TXLNB: variants seen among roughly 807,000 people sequenced by gnomAD.
TXLNB encodes beta-taxilin.
TXLNB carries 37 observed loss-of-function variants against 57.4 expected under a neutral mutation model. The ratio of observed to expected loss-of-function variants is 0.64; its 90% confidence interval spans 0.50 to 0.85. The LOEUF is 0.85. Among genes scored for constraint, TXLNB ranks in the 40% least tolerant of loss-of-function variants. The pLI is 0.00. For synonymous variants in TXLNB, 302 were observed against 309.6 expected (o/e 0.98, Z 0.26); for missense variants, 848 against 825.6 (o/e 1.03, Z -0.33).
chr6:139,208,221 A>G, the TXLNB span, among the ~76,000 whole-genome samples: 1 of 152,182 alleles, frequency 6.6e-6, no homozygotes, highest in Non-Finnish European at 1.5e-5. Flanking sequence ...CTGAAAATAT[A>G]CAACCCTTCT....
chr6:139,284,894 G>C (rs752910851), intron 2 of TXLNB, among the ~76,000 whole-genome samples: 1 of 146,020 alleles, frequency 6.8e-6, no homozygotes, highest in Admixed American at 6.7e-5. Flanking sequence ...TACAAGTTGA[G>C]GTTAGCCTAA....
chr6:139,280,050 C>A (rs575822119), intron 2 of TXLNB, among the ~76,000 whole-genome samples: 2 of 152,124 alleles, frequency 1.3e-5, no homozygotes, highest in African/African-American at 4.8e-5. Flanking sequence ...GTCAGGAGAT[C>A]GAGACCATCC....
At chr6:139,186,784 AAAGG>A in the TXLNB span, among the ~76,000 whole-genome samples, 1 of 152,252 alleles carries the variant, frequency 6.6e-6, no homozygotes, top group African/African-American at 2.4e-5. Context: ...CCAGCAATAA[AAAGG>A]AACAGATTCT....
the TXLNB span, among the ~76,000 whole-genome samples, chr6:139,211,831 T>G: frequency 6.6e-6 from 1 of 151,974 alleles, no homozygotes; most frequent in Non-Finnish European, 1.5e-5. Context: ...ACGTGACAAA[T>G]GCACAAGCCT....
chr6:139,226,070 A>G, the TXLNB span, among the ~76,000 whole-genome samples: 1 of 151,952 alleles, frequency 6.6e-6, no homozygotes, highest in Non-Finnish European at 1.5e-5. Context: ...AGGCTGAGGC[A>G]TGTGGATCGC....
rs1234118354 is a variant in TXLNB at position 139,249,680 on chromosome 6, C to T, written c.1078-1771G>A. ...CCCTAGAGCCCAGAAAATTGCTTAT[C>T]TAGAATGGGTTTTCCCCAATAATTT... On this transcript the variant is annotated intron_variant, in intron 7 of 9. Transcript: ENST00000358430. 2.0e-5 allele frequency among the ~76,000 whole-genome samples: 3 copies of T among 152,178 alleles called. No individual in the cohort carries two copies. The East Asian group carries it at 5.8e-4, about 29-fold the overall frequency.
At chr6:139,280,385 T>C (rs1357800531) in intron 2 of TXLNB, among the ~76,000 whole-genome samples, 2 of 152,166 alleles carry the variant, frequency 1.3e-5, no homozygotes, top group African/African-American at 4.8e-5. Context: ...TTGTTTATAC[T>C]AAGTTTGGTG....
chr6:139,223,605 A>C, the TXLNB span, among the ~76,000 whole-genome samples: 1 of 152,056 alleles, frequency 6.6e-6, no homozygotes, highest in Non-Finnish European at 1.5e-5. Context: ...ACAAGAAAAA[A>C]ACAAACAACC....
chr6:139,202,202 G>T, the TXLNB span, among the ~76,000 whole-genome samples: 1 of 152,086 alleles, frequency 6.6e-6, no homozygotes, highest in African/African-American at 2.4e-5. Context: ...CTTTTCTACT[G>T]GACTAACCAA....
chr6:139,211,513 A>G, the TXLNB span, among the ~76,000 whole-genome samples: 1 of 152,158 alleles, frequency 6.6e-6, no homozygotes, highest in Non-Finnish European at 1.5e-5. Context: ...AGGTAGATAA[A>G]ACCACAAAGA....
chr6:139,181,091 T>TTTGA, the TXLNB span, among the ~76,000 whole-genome samples: 1 of 151,142 alleles, frequency 6.6e-6, no homozygotes, highest in Non-Finnish European at 1.5e-5. Flanking sequence ...AATTCTATTA[T>TTTGA]TTGATAGATA....
chr6:139,271,763 C>T (rs1044539055), intron 3 of TXLNB: 1 of 152,184 alleles, frequency 6.6e-6, no homozygotes, highest in African/African-American at 2.4e-5. Context: ...TCAGACTGAC[C>T]ATCGCTGGGG....
At chr6:139,223,533 C>T in the TXLNB span, among the ~76,000 whole-genome samples, 1,377 of 152,128 alleles carry the variant, frequency 9.1e-3, 10 homozygotes, top group Non-Finnish European at 0.014. Flanking sequence ...AGAAAATTTT[C>T]GCAACCTACT....
At chr6:139,197,054 G>T in the TXLNB span, among the ~76,000 whole-genome samples, 3 of 152,040 alleles carry the variant, frequency 2.0e-5, no homozygotes, top group Non-Finnish European at 4.4e-5. Flanking sequence ...CAGCTTTGGG[G>T]GTGGGGGGTT....
chr6:139,288,354 A>T (rs1333083121), intron 2 of TXLNB, 122 bp downstream of exon 2: 1 of 965,180 alleles, frequency 1.0e-6, no homozygotes, highest in Non-Finnish European at 1.5e-6. Flanking sequence ...AACAAGGGAA[A>T]ATATAGAAGG....
the TXLNB span, among the ~76,000 whole-genome samples, chr6:139,230,440 A>G: frequency 6.6e-6 from 1 of 152,194 alleles, no homozygotes; most frequent in African/African-American, 2.4e-5. Flanking sequence ...TTTCAGCTGG[A>G]TAATAGCAGA....
At position 139,283,508 on chromosome 6, in the gene TXLNB, G is replaced by A. The variant is rs952443922; in HGVS notation, c.424+4968C>T. 5.6e-5 allele frequency among the ~76,000 whole-genome samples: 8 copies of A among 142,298 alleles called. 1 individual carries two copies. Among genetic ancestry groups the A allele is most frequent in the African/African-American group, 1.0e-4 (4 of 38,384 alleles). 93.4% of individuals were successfully genotyped at this position (142,298 alleles called of 152,430 possible). ...GGAGAATCGATTGAACCCGGAGGGC[G>A]GAGGTTGTGGTGAGCCGAGATCGCA... On this transcript the variant is annotated intron_variant, in intron 2 of 9. Coordinates refer to ENST00000358430, the MANE Select transcript of TXLNB (RefSeq NM_153235.4).
the TXLNB span, among the ~76,000 whole-genome samples, chr6:139,313,710 T>C: frequency 6.6e-6 from 1 of 152,218 alleles, no homozygotes; most frequent in African/African-American, 2.4e-5. Context: ...TAAGTCACCC[T>C]GTGGCAGGCA....
chr6:139,308,374 C>G, the TXLNB span, among the ~76,000 whole-genome samples: 1 of 152,160 alleles, frequency 6.6e-6, no homozygotes, highest in Non-Finnish European at 1.5e-5. Flanking sequence ...CAAACCCTGA[C>G]CAGCCCAGAC....
Sources: gnomAD v4.1 joint callset for allele counts (sites outside exome capture counted in the v4.1 genomes callset) on GRCh38, gnomAD v4.1.1 for gene constraint, MANE v1.5 for transcripts, NCBI Gene and HGNC (gene_info 2026-07-23, HGNC 2026-07-21) for gene names.